The following PDE4B variants were observed in gnomAD, a reference collection of about 807,000 sequenced individuals.
PDE4B encodes the protein phosphodiesterase 4B, also known as 3',5'-cyclic-AMP phosphodiesterase 4B.
Under a neutral mutation model 82.2 loss-of-function variants are expected in PDE4B, and 20 were observed. The observed-to-expected ratio is 0.24, with a 90% CI of 0.17 to 0.35. The LOEUF is 0.35. Among genes scored for constraint, PDE4B ranks in the 10% least tolerant of loss-of-function variants. PDE4B has a pLI of 1.00. For synonymous variants in PDE4B, 320 were observed against 318.9 expected, an observed-to-expected ratio of 1.00 and a Z score of -0.04; for missense variants, 655 against 907.2, an observed-to-expected ratio of 0.72 and a Z score of 3.57.
At chr1:66,116,564 C>A (rs1171443401) in intron 3 of PDE4B, among the ~76,000 whole-genome samples, 1 of 152,028 alleles carries the variant, frequency 6.6e-6, no homozygotes, top group Non-Finnish European at 1.5e-5. Context: ...TATAAAGACC[C>A]CCCCAGCCCA....
intron 3 of PDE4B, among the ~76,000 whole-genome samples, chr1:65,941,740 A>AT (rs1304888937): frequency 1.3e-5 from 2 of 152,164 alleles, no homozygotes; most frequent in South Asian, 2.1e-4. Flanking sequence ...TCATATACTT[A>AT]TTTTTTTGTG....
intron 1 of PDE4B, among the ~76,000 whole-genome samples, chr1:65,794,769 A>G (rs529938753): frequency 1.3e-5 from 2 of 152,342 alleles, no homozygotes; most frequent in South Asian, 4.1e-4. Context: ...AGATTGTTAA[A>G]TGGACTGGAA....
rs1035471039 is a variant in PDE4B, at chr1:65,795,786, C to T, written c.-71+2538C>T. 5.3e-5 allele frequency among the ~76,000 whole-genome samples: 8 copies of T among 152,332 alleles called. No individual in the cohort carries two copies. In the East Asian group the frequency reaches 1.5e-3, roughly 29 times the overall value. ...TCTTTGGTCCTTTCTGTTTCCTTCCCCATCCTTCCTCAGGTGTGGATAACA... is the reference window on the plus strand; with the variant it reads ...TCTTTGGTCCTTTCTGTTTCCTTCCTCATCCTTCCTCAGGTGTGGATAACA... On this transcript the variant is annotated intron_variant, in intron 1 of 16. Transcript: ENST00000341517.
intron 1 of PDE4B, among the ~76,000 whole-genome samples, chr1:65,886,305 G>A (rs1646775998): frequency 6.6e-6 from 1 of 151,902 alleles, no homozygotes; most frequent in African/African-American, 2.4e-5. Flanking sequence ...TTTGTTATAT[G>A]CGCTGACTCT....
At chr1:65,843,614 A>G (rs1384975191) in intron 1 of PDE4B, among the ~76,000 whole-genome samples, 1 of 152,162 alleles carries the variant, frequency 6.6e-6, no homozygotes, top group Non-Finnish European at 1.5e-5. Flanking sequence ...GTTTTTAAGT[A>G]TATATATATG....
intron 9 of PDE4B, 37 bp from the exon 10 acceptor site, chr1:66,361,578 A>C (rs554055049): frequency 6.4e-7 from 1 of 1,553,834 alleles, no homozygotes; most frequent in East Asian, 2.2e-5. Flanking sequence ...TCTCATAGAC[A>C]CATGTGCTGA....
chr1:66,355,292 C>T, intron 8 of PDE4B: 1 of 405,330 alleles, frequency 2.5e-6, no homozygotes, highest in Non-Finnish European at 4.4e-6. Context: ...CCTATGTTTG[C>T]ATCTTCAAAA....
At chr1:66,334,730 A>G (rs1660376311) in intron 8 of PDE4B, among the ~76,000 whole-genome samples, 1 of 152,232 alleles carries the variant, frequency 6.6e-6, no homozygotes, top group East Asian at 1.9e-4. Context: ...TTTTTACTTT[A>G]CTACCTTTAA....
chr1:66,009,953 C>CTAT (rs71058442), intron 3 of PDE4B, among the ~76,000 whole-genome samples: 1 of 136,598 alleles, frequency 7.3e-6, no homozygotes, highest in African/African-American at 2.8e-5. Flanking sequence ...ATCTATCTAT[C>CTAT]ATCTATCTAT....
intron 6 of PDE4B, among the ~76,000 whole-genome samples, chr1:66,265,735 G>T (rs760860484): frequency 6.6e-6 from 1 of 152,106 alleles, no homozygotes; most frequent in Non-Finnish European, 1.5e-5. Context: ...TTTTCTCAGG[G>T]CTTCTTGGAA....
intron 3 of PDE4B, among the ~76,000 whole-genome samples, chr1:66,023,223 T>C (rs1470074099): frequency 2.6e-5 from 4 of 152,174 alleles, no homozygotes; most frequent in African/African-American, 9.7e-5. Flanking sequence ...CAGCTGTACT[T>C]CAATTTGCTG....
At chr1:65,984,230 C>A (rs1169177338) in intron 3 of PDE4B, among the ~76,000 whole-genome samples, 1 of 152,158 alleles carries the variant, frequency 6.6e-6, no homozygotes, top group Non-Finnish European at 1.5e-5. Flanking sequence ...TTGATCTTAG[C>A]AGTTTAAACG....
chr1:65,964,296 G>T (rs1318474), intron 3 of PDE4B, among the ~76,000 whole-genome samples: 6,132 of 152,118 alleles, frequency 0.04, 496 homozygotes, highest in East Asian at 0.37. Flanking sequence ...GCAATAAAAC[G>T]GTTAAACAAT....
At chr1:66,309,715 A>G (rs772139277) in intron 7 of PDE4B, among the ~76,000 whole-genome samples, 1 of 152,164 alleles carries the variant, frequency 6.6e-6, no homozygotes, top group Non-Finnish European at 1.5e-5. Context: ...CATAAATTTC[A>G]TTTCTAGAAT....
intron 3 of PDE4B, among the ~76,000 whole-genome samples, chr1:65,927,766 G>A (rs910484286): frequency 6.6e-6 from 1 of 152,060 alleles, no homozygotes; most frequent in Non-Finnish European, 1.5e-5. Flanking sequence ...GGTAGAGGCA[G>A]CTCTAATGGC....
rs151160566 is a variant in PDE4B, at chr1:65,842,148, A to G, written c.-71+48900A>G. On this transcript the variant is annotated intron_variant, in intron 1 of 16. Coordinates refer to ENST00000341517, the MANE Select transcript of PDE4B (RefSeq NM_002600.4). The stretch of plus-strand genomic sequence containing the variant: ...CTAGGGTATTTATTAGGGAGATACT[A>G]TTTTCAAGATGTTGTGCTAATCCAG... 2.8e-3 allele frequency among the ~76,000 whole-genome samples: 433 copies of G among 152,258 alleles called. 3 individuals are homozygous for G. Among genetic ancestry groups the G allele is most frequent in the African/African-American group, 9.7e-3 (401 of 41,544 alleles).
chr1:66,279,142 T>G (rs1314978434), intron 7 of PDE4B, among the ~76,000 whole-genome samples: 1 of 152,148 alleles, frequency 6.6e-6, no homozygotes, highest in Non-Finnish European at 1.5e-5. Flanking sequence ...TACTTCCCTC[T>G]GGAAAGCCTC....
intron 1 of PDE4B, among the ~76,000 whole-genome samples, chr1:65,812,900 C>G (rs1230511592): frequency 6.6e-6 from 1 of 152,162 alleles, no homozygotes; most frequent in Admixed American, 6.5e-5. Context: ...CAACTGCTTT[C>G]TAAGGGTCCT....
intron 3 of PDE4B, among the ~76,000 whole-genome samples, chr1:66,197,057 A>T (rs1648378592): frequency 6.6e-6 from 1 of 152,048 alleles, no homozygotes; most frequent in Admixed American, 6.6e-5. Flanking sequence ...CAGGCAAATA[A>T]TTTATTTTGC....
Sources: allele counts gnomAD v4.1 joint callset (sites outside exome capture counted in the v4.1 genomes callset), GRCh38; gene constraint gnomAD v4.1.1; transcripts MANE v1.5; gene names NCBI Gene and HGNC (gene_info 2026-07-23, HGNC 2026-07-21).